TYW1B: variants seen among roughly 807,000 people sequenced by gnomAD.
TYW1B encodes the protein S-adenosyl-L-methionine-dependent tRNA 4-demethylwyosine synthase TYW1B.
A neutral mutation model predicts 86.9 loss-of-function variants in TYW1B; 73 were observed. The ratio of observed to expected loss-of-function variants is 0.84; its 90% confidence interval spans 0.70 to 1.02. TYW1B has a LOEUF of 1.02. TYW1B is among the 50% of genes least tolerant of loss of function. The pLI, the probability that TYW1B is intolerant of heterozygous loss-of-function variation, is 0.00. For synonymous variants in TYW1B, 248 were observed against 292.8 expected (o/e 0.85, Z 1.56); for missense variants, 637 against 827.4 (o/e 0.77, Z 2.82).
intron 3 of TYW1B, among the ~76,000 whole-genome samples, chr7:72,813,783 G>A (rs570382311): frequency 6.6e-6 from 1 of 152,288 alleles, no homozygotes; most frequent in South Asian, 2.1e-4. Context: ...GGGAGGCCGA[G>A]GCAAATAAAT....
At position 72,740,467 on chromosome 7, in the gene TYW1B, C is replaced by CT. The variant is rs370164283; in HGVS notation, c.1082+4016dup. 4.4e-3 allele frequency among the ~76,000 whole-genome samples: 510 copies of CT among 116,640 alleles called. 4 individuals carry two copies. The highest frequency in any genetic ancestry group is 0.012 in the African/African-American group (387 of 31,966). The allele number at this position is 116,640 out of a possible 152,430, so 76.5% of individuals were successfully genotyped here. A position where few individuals can be genotyped will look rare whatever the true frequency, so the allele number is the denominator to read the frequency against. ...GTCAATCTGCAAAGACTGGGAGAAGCTTTTTTTTTTTTTTTTTTCTCCAAT... is the reference window on the plus strand; with the variant it reads ...GTCAATCTGCAAAGACTGGGAGAAGCTTTTTTTTTTTTTTTTTTTCTCCAAT... On this transcript the variant is annotated intron_variant, in intron 8 of 13. Transcript: ENST00000620995.
At chr7:72,603,544 G>A (rs1336975245) in intron 13 of TYW1B, among the ~76,000 whole-genome samples, 18 of 152,110 alleles carry the variant, frequency 1.2e-4, no homozygotes, top group African/African-American at 1.4e-4. Flanking sequence ...CTAACACTGC[G>A]CCCCCTGGAT....
chr7:72,698,372 C>T (rs1814374912), intron 10 of TYW1B, among the ~76,000 whole-genome samples: 1 of 152,174 alleles, frequency 6.6e-6, no homozygotes. Flanking sequence ...AGGCCGGGCA[C>T]AGTGGCTCAT....
intron 13 of TYW1B, among the ~76,000 whole-genome samples, chr7:72,590,354 G>A (rs1811368890): frequency 6.6e-6 from 1 of 152,154 alleles, no homozygotes; most frequent in Non-Finnish European, 1.5e-5. Flanking sequence ...AAAATATTAA[G>A]GATCTGTGTT....
chr7:72,811,399 T>G (rs1332165259), intron 3 of TYW1B, among the ~76,000 whole-genome samples: 2 of 151,742 alleles, frequency 1.3e-5, no homozygotes, highest in Non-Finnish European at 2.9e-5. Flanking sequence ...GTTTCAAACC[T>G]GAAGAGAAAA....
At chr7:72,662,073 T>G (rs1813340286) in intron 11 of TYW1B, among the ~76,000 whole-genome samples, 1 of 152,192 alleles carries the variant, frequency 6.6e-6, no homozygotes, top group African/African-American at 2.4e-5. Context: ...GGTGAAGACA[T>G]GGTCATGTCA....
chr7:72,650,192 G>T (rs1813026846), intron 11 of TYW1B, among the ~76,000 whole-genome samples: 1 of 151,862 alleles, frequency 6.6e-6, no homozygotes, highest in African/African-American at 2.4e-5. Context: ...GGGATTACAG[G>T]AGTGAGCCAC....
At position 72,777,403 on chromosome 7, in the gene TYW1B, T is replaced by C. The variant is rs1787975042; in HGVS notation, c.964+13A>G. ...ACTATAGTCATATAACAACAATTCTTGAAGATTTTCACCTTGTTTAGTAAG... is the reference window on the plus strand; with the variant it reads ...ACTATAGTCATATAACAACAATTCTCGAAGATTTTCACCTTGTTTAGTAAG... On this transcript the variant is annotated intron_variant, in intron 7 of 13. Coordinates refer to ENST00000620995, the MANE Select transcript of TYW1B (RefSeq NM_001145440.3). The C allele has an allele frequency of 6.2e-7, 1 of 1,612,458 alleles. No homozygotes were observed. Among genetic ancestry groups the C allele is most frequent in the Non-Finnish European group, 8.5e-7 (1 of 1,179,308 alleles).
intron 11 of TYW1B, among the ~76,000 whole-genome samples, chr7:72,634,363 T>A (rs2844144): frequency 2.8e-4 from 41 of 145,518 alleles, no homozygotes; most frequent in African/African-American, 9.7e-4. Flanking sequence ...TTTCTTTTTT[T>A]TTTTCTGTAG....
chr7:72,674,430 ATG>A lies in TYW1B; in HGVS notation c.1506+20255_1506+20256del, dbSNP rs536524394. Among the ~76,000 whole-genome samples the A allele has an allele frequency of 3.7e-4, 56 of 152,048 alleles. No homozygotes were observed. In the South Asian group the frequency reaches 8.9e-3, roughly 24 times the overall value. On this transcript the variant is annotated intron_variant, in intron 11 of 13. Coordinates refer to ENST00000620995, the MANE Select transcript of TYW1B (RefSeq NM_001145440.3). ...GAGAAAACCAGGCCCTTCAGACAGG[ATG>A]TCTGATGCAGGGTGTCTTCATGGAT...
intron 10 of TYW1B, among the ~76,000 whole-genome samples, chr7:72,695,411 A>G (rs1484080302): frequency 3.9e-5 from 6 of 152,236 alleles, no homozygotes; most frequent in Non-Finnish European, 8.8e-5. Context: ...CTAAAACAGT[A>G]GAAACCTCAT....
chr7:72,691,045 G>A lies in TYW1B; in HGVS notation c.1506+3642C>T, dbSNP rs186059640. On this transcript the variant is annotated intron_variant, in intron 11 of 13. Coordinates refer to ENST00000620995, the MANE Select transcript of TYW1B (RefSeq NM_001145440.3). The stretch of plus-strand genomic sequence containing the variant: ...TGGGAATACCGGCGTGAGCCACTGC[G>A]CCCAGCCAGCATTTGAGTTTTTATA... Among the ~76,000 whole-genome samples the A allele has an allele frequency of 7.8e-4, 119 of 152,264 alleles. 1 individual carries two copies. Among genetic ancestry groups the A allele is most frequent in the African/African-American group, 2.6e-3 (107 of 41,566 alleles).
At chr7:72,641,229 A>G (rs1192720639) in intron 11 of TYW1B, among the ~76,000 whole-genome samples, 2 of 152,092 alleles carry the variant, frequency 1.3e-5, no homozygotes, top group Non-Finnish European at 2.9e-5. Flanking sequence ...GACAATCGGA[A>G]CAGACCTACA....
intron 10 of TYW1B, among the ~76,000 whole-genome samples, chr7:72,702,257 G>A (rs1814492943): frequency 6.6e-6 from 1 of 152,106 alleles, no homozygotes; most frequent in South Asian, 2.1e-4. Context: ...AAAGTTTCCA[G>A]GTTTGCCATA....
intron 10 of TYW1B, among the ~76,000 whole-genome samples, chr7:72,699,410 C>T (rs1814403268): frequency 6.6e-6 from 1 of 152,132 alleles, no homozygotes; most frequent in African/African-American, 2.4e-5. Context: ...ACAGTCAGAT[C>T]AGTGCTGATG....
At chr7:72,766,613 C>CA (rs56738770) in intron 7 of TYW1B, among the ~76,000 whole-genome samples, 57,584 of 82,850 alleles carry the variant, frequency 0.7, 20,066 homozygotes, top group Non-Finnish European at 0.74. Context: ...GATTCAGTCT[C>CA]AAAAAAAAAA....
chr7:72,770,818 T>G (rs1179175498), intron 7 of TYW1B, among the ~76,000 whole-genome samples: 1 of 152,158 alleles, frequency 6.6e-6, no homozygotes, highest in African/African-American at 2.4e-5. Flanking sequence ...AATGGCATAC[T>G]ACTGAGCAAT....
chr7:72,621,388 C>T (rs1812210821), intron 12 of TYW1B, among the ~76,000 whole-genome samples: 1 of 152,230 alleles, frequency 6.6e-6, no homozygotes, highest in African/African-American at 2.4e-5. Context: ...GCCTGAGCTT[C>T]TCACCACGGC....
At chr7:72,615,340 G>A (rs1229950169) in intron 13 of TYW1B, among the ~76,000 whole-genome samples, 2 of 152,178 alleles carry the variant, frequency 1.3e-5, no homozygotes, top group African/African-American at 2.4e-5. Flanking sequence ...AAGATCAATG[G>A]ACTAGAGGGA....
Sources: allele counts gnomAD v4.1 joint callset (sites outside exome capture counted in the v4.1 genomes callset), GRCh38; gene constraint gnomAD v4.1.1; transcripts MANE v1.5; gene names NCBI Gene and HGNC (gene_info 2026-07-23, HGNC 2026-07-21).